Variants in ANK2 observed in about 807,000 individuals in gnomAD.
The protein encoded by ANK2 is ankyrin-2.
In ANK2, 83 loss-of-function variants were observed where a neutral mutation model predicts 360.5. That is an observed-to-expected ratio of 0.23 (90% confidence interval 0.19 to 0.28). The LOEUF is 0.28. Ranked by LOEUF, ANK2 falls within the 10% of genes least tolerant of loss-of-function variation. The pLI, the probability that ANK2 is intolerant of heterozygous loss-of-function variation, is 1.00. For missense variants in ANK2, 4,201 were observed against 4,795.7 expected (o/e 0.88, Z 3.66); for synonymous variants, 1,740 against 1,759.5 (o/e 0.99, Z 0.28).
At position 113,339,268 on chromosome 4, in the gene ANK2, C is replaced by G. The variant is rs538459406; in HGVS notation, c.3839C>G (p.Thr1280Arg). 1 of 1,613,820 alleles carries G rather than the reference C, an allele frequency of 6.2e-7. No homozygotes were observed. Among genetic ancestry groups the G allele is most frequent in the Non-Finnish European group, 8.5e-7 (1 of 1,179,982 alleles). ...CAGTGGGAAGATATTACAGGAACTACGCCATTAACATTTGTCAATGAATGT... is the reference window on the plus strand; with the variant it reads ...CAGTGGGAAGATATTACAGGAACTAGGCCATTAACATTTGTCAATGAATGT... ...PAQWEDITGT[T>R]PLTFVNECVS... The change falls in exon 32 of 46, where the codon ACG (threonine) becomes AGG (arginine). Residue 1280 changes from threonine to arginine, a missense_variant. Thr to Arg is a moderately conservative substitution (Grantham distance 71, BLOSUM62 -1). Coordinates refer to ENST00000357077, the MANE Select transcript of ANK2 (RefSeq NM_001148.6).
chr4:113,269,490 A>G (rs1412160716), intron 14 of ANK2, among the ~76,000 whole-genome samples: 1 of 152,198 alleles, frequency 6.6e-6, no homozygotes, highest in African/African-American at 2.4e-5. Context: ...ACCATTCCTC[A>G]TGGCACGGTC....
intron 2 of ANK2, among the ~76,000 whole-genome samples, chr4:113,180,969 T>C (rs1194512128): frequency 2.6e-5 from 4 of 152,224 alleles, no homozygotes; most frequent in African/African-American, 7.2e-5. Flanking sequence ...CCTTGCTCTA[T>C]ACTGGGTAGT....
At chr4:112,977,277 C>G (rs1486445265) in intron 2 of ANK2, among the ~76,000 whole-genome samples, 2 of 151,924 alleles carry the variant, frequency 1.3e-5, no homozygotes, top group Non-Finnish European at 2.9e-5. Flanking sequence ...TATGAATTAC[C>G]TTTCTTCTTT....
intron 1 of ANK2, among the ~76,000 whole-genome samples, chr4:112,857,504 C>T (rs1448022683): frequency 6.6e-6 from 1 of 152,176 alleles, no homozygotes; most frequent in African/African-American, 2.4e-5. Context: ...AAATACTCAT[C>T]TAGTATTTTC....
At chr4:113,286,219 TTAAG>T (rs1276809944) in intron 18 of ANK2, among the ~76,000 whole-genome samples, 1 of 152,194 alleles carries the variant, frequency 6.6e-6, no homozygotes, top group Non-Finnish European at 1.5e-5. Context: ...AAGGAGAAAA[TTAAG>T]AAAGAATCTT....
rs144518391 is a variant in ANK2, at chr4:112,898,586, G to T, written c.-39-5869G>T. Among the ~76,000 whole-genome samples, 10 of 152,188 alleles carry T rather than the reference G, an allele frequency of 6.6e-5. No homozygotes were observed. The South Asian group carries it at 1.0e-3, about 16-fold the overall frequency. ...GTCACTTGGCTGACAGTGTTTATATGATTTCTCCACTGAAGCCAACCATTT... is the reference window on the plus strand; with the variant it reads ...GTCACTTGGCTGACAGTGTTTATATTATTTCTCCACTGAAGCCAACCATTT... On this transcript the variant is annotated intron_variant, in intron 1 of 30. Coordinates refer to the ANK2 transcript ENST00000503271.
chr4:112,722,859 G>A, the ANK2 span, among the ~76,000 whole-genome samples: 2 of 152,134 alleles, frequency 1.3e-5, no homozygotes, highest in Non-Finnish European at 2.9e-5. Flanking sequence ...ATCTACTTGG[G>A]AAGCTGAGGC....
chr4:112,963,224 C>T (rs2035677143), intron 2 of ANK2, among the ~76,000 whole-genome samples: 2 of 151,998 alleles, frequency 1.3e-5, no homozygotes, highest in Admixed American at 1.3e-4. Context: ...AGTGTGTTTC[C>T]AAATACTTGT....
intron 1 of ANK2, among the ~76,000 whole-genome samples, chr4:113,112,055 A>G (rs903707649): frequency 6.6e-6 from 1 of 152,184 alleles, no homozygotes; most frequent in Non-Finnish European, 1.5e-5. Context: ...GAAGCTGTGT[A>G]TGCTAATAAG....
intron 23 of ANK2, among the ~76,000 whole-genome samples, chr4:113,303,442 G>A (rs1412197603): frequency 6.6e-6 from 1 of 152,128 alleles, no homozygotes; most frequent in African/African-American, 2.4e-5. Context: ...ATGATCTCAG[G>A]CAATGGCTTC....
chr4:113,048,041 T>C (rs2065141699), upstream of ANK2, among the ~76,000 whole-genome samples: 1 of 151,826 alleles, frequency 6.6e-6, no homozygotes, highest in African/African-American at 2.4e-5. Flanking sequence ...AGATTAGCAA[T>C]AGCAACACAT....
chr4:112,850,435 T>C (rs17515707), intron 1 of ANK2, among the ~76,000 whole-genome samples: 33,365 of 124,792 alleles, frequency 0.27, 4,917 homozygotes, highest in East Asian at 0.34. Context: ...TTAAGAGTTG[T>C]TGTTCGTTTC....
chr4:113,077,766 G>C (rs912338247), intron 1 of ANK2, among the ~76,000 whole-genome samples: 1 of 152,124 alleles, frequency 6.6e-6, no homozygotes. Flanking sequence ...TTTACAACTG[G>C]CTACAGAATC....
At chr4:112,852,216 C>G (rs536722648) in intron 1 of ANK2, among the ~76,000 whole-genome samples, 4 of 152,306 alleles carry the variant, frequency 2.6e-5, no homozygotes, top group African/African-American at 9.6e-5. Flanking sequence ...ACACACCATG[C>G]TCATTCCTAT....
At chr4:112,705,794 C>A in the ANK2 span, among the ~76,000 whole-genome samples, 1 of 152,254 alleles carries the variant, frequency 6.6e-6, no homozygotes, top group African/African-American at 2.4e-5. Flanking sequence ...CCGGCGCCGC[C>A]GCTAGAATAA....
intron 2 of ANK2, chr4:113,033,875 C>G (rs1192068327): frequency 6.6e-6 from 1 of 152,008 alleles, no homozygotes; most frequent in African/African-American, 2.4e-5. Context: ...GCCTGGCTGT[C>G]TGAATTATAG....
At chr4:113,055,007 T>C (rs1234521641) in intron 1 of ANK2, among the ~76,000 whole-genome samples, 1 of 152,202 alleles carries the variant, frequency 6.6e-6, no homozygotes, top group Non-Finnish European at 1.5e-5. Flanking sequence ...AATAATTCAC[T>C]TCTTAGGACC....
chr4:113,126,359 T>G (rs2095659432), intron 1 of ANK2, among the ~76,000 whole-genome samples: 1 of 152,204 alleles, frequency 6.6e-6, no homozygotes. Context: ...AAAATAAATC[T>G]CCTGAGTTCT....
intron 2 of ANK2, among the ~76,000 whole-genome samples, chr4:113,024,481 A>G (rs959179697): frequency 6.6e-6 from 1 of 152,296 alleles, no homozygotes; most frequent in Admixed American, 6.5e-5. Flanking sequence ...AACACATGAG[A>G]CACTATTTTG....
Sources: allele counts gnomAD v4.1 joint callset (sites outside exome capture counted in the v4.1 genomes callset), GRCh38; gene constraint gnomAD v4.1.1; transcripts MANE v1.5; gene names NCBI Gene and HGNC (gene_info 2026-07-23, HGNC 2026-07-21).